The following TNIK variants were observed in gnomAD, a reference collection of about 807,000 sequenced individuals.
TNIK encodes the protein TRAF2 and NCK-interacting protein kinase.
Under a neutral mutation model 191.3 loss-of-function variants are expected in TNIK, and 49 were observed. That is an observed-to-expected ratio of 0.26 (90% CI 0.20 to 0.32). TNIK has a LOEUF of 0.32. TNIK is among the 10% of genes least tolerant of loss of function. The pLI is 1.00. For missense variants in TNIK, 1,155 were observed against 1,702.3 expected (o/e 0.68, Z 5.66); for synonymous variants, 594 against 600.9 (o/e 0.99, Z 0.17).
chr3:171,355,436 C>T (rs1713894959), intron 2 of TNIK, among the ~76,000 whole-genome samples: 1 of 140,444 alleles, frequency 7.1e-6, no homozygotes, highest in Admixed American at 7.6e-5. Flanking sequence ...ATTTAGGCCA[C>T]AAAACATTCA....
chr3:171,387,463 G>T (rs190217426), intron 1 of TNIK, among the ~76,000 whole-genome samples: 8 of 152,272 alleles, frequency 5.3e-5, no homozygotes, highest in Admixed American at 5.2e-4. Flanking sequence ...CCTGACATCG[G>T]CTCTTACATC....
At chr3:171,400,284 G>C (rs1488053558) in intron 1 of TNIK, among the ~76,000 whole-genome samples, 1 of 152,060 alleles carries the variant, frequency 6.6e-6, no homozygotes, top group African/African-American at 2.4e-5. Flanking sequence ...CTAGATTCAG[G>C]CCAGGCACGG....
intron 4 of TNIK, among the ~76,000 whole-genome samples, chr3:171,205,755 T>A (rs1035728562): frequency 2.0e-5 from 3 of 152,122 alleles, no homozygotes; most frequent in African/African-American, 7.2e-5. Context: ...TCCCACCTAA[T>A]GCAGAGTAAA....
At chr3:171,389,414 G>T (rs1298402868) in intron 1 of TNIK, among the ~76,000 whole-genome samples, 1 of 152,126 alleles carries the variant, frequency 6.6e-6, no homozygotes, top group Non-Finnish European at 1.5e-5. Flanking sequence ...CCGAGTGCCT[G>T]CTCTGTGCCA....
chr3:171,291,255 A>G (rs963860824), intron 2 of TNIK, among the ~76,000 whole-genome samples: 5 of 152,128 alleles, frequency 3.3e-5, no homozygotes, highest in Non-Finnish European at 7.4e-5. Context: ...TTTTGCTATT[A>G]ATCATATGCA....
At chr3:171,381,164 G>C (rs1314151246) in intron 1 of TNIK, among the ~76,000 whole-genome samples, 1 of 152,026 alleles carries the variant, frequency 6.6e-6, no homozygotes, top group Non-Finnish European at 1.5e-5. Context: ...TTTTGGAACG[G>C]GGGATTTATA....
intron 9 of TNIK, among the ~76,000 whole-genome samples, chr3:171,170,223 G>C (rs1258738831): frequency 6.6e-6 from 1 of 152,202 alleles, no homozygotes; most frequent in African/African-American, 2.4e-5. Flanking sequence ...AAATGGTAAT[G>C]ATTGGTACCT....
chr3:171,281,047 C>T (rs1188618953), intron 2 of TNIK, among the ~76,000 whole-genome samples: 1 of 152,112 alleles, frequency 6.6e-6, no homozygotes, highest in Non-Finnish European at 1.5e-5. Context: ...ATAATCATGT[C>T]TTTATGGAAT....
At position 171,264,441 on chromosome 3, in the gene TNIK, G is replaced by A. The variant is rs529047653; in HGVS notation, c.124-36220C>T. On this transcript the variant is annotated intron_variant, in intron 2 of 32. Coordinates refer to ENST00000436636, the MANE Select transcript of TNIK (RefSeq NM_015028.4). ...GCTATCTCGGCTCACCTCAACCTTC[G>A]CCTCCTGGGGATCAAGTGATTCTCC... Among the ~76,000 whole-genome samples, 63 of 151,932 alleles carry A rather than the reference G, an allele frequency of 4.1e-4. No individual in the cohort carries two copies. The South Asian group carries it at 0.013, about 30-fold the overall frequency.
intron 2 of TNIK, among the ~76,000 whole-genome samples, chr3:171,301,679 T>C (rs1290047909): frequency 6.6e-6 from 1 of 152,182 alleles, no homozygotes; most frequent in African/African-American, 2.4e-5. Context: ...GGAACTCTTC[T>C]ATACTGAAGA....
At chr3:171,339,602 T>C (rs1313741471) in intron 2 of TNIK, among the ~76,000 whole-genome samples, 1 of 152,206 alleles carries the variant, frequency 6.6e-6, no homozygotes, top group Non-Finnish European at 1.5e-5. Context: ...GCTTGTGGGT[T>C]GAACAGACCG....
At chr3:171,350,078 A>C (rs114293561) in intron 2 of TNIK, among the ~76,000 whole-genome samples, 43,366 of 151,970 alleles carry the variant, frequency 0.29, 6,384 homozygotes, top group South Asian at 0.45. Context: ...ACATTATAGC[A>C]AATGTTTTTG....
intron 2 of TNIK, among the ~76,000 whole-genome samples, chr3:171,322,179 A>G (rs1242514884): frequency 6.6e-6 from 1 of 152,198 alleles, no homozygotes; most frequent in Non-Finnish European, 1.5e-5. Flanking sequence ...CAAAAGCTGT[A>G]TTTCACTAAG....
chr3:171,319,277 T>C (rs1007160253), intron 2 of TNIK, among the ~76,000 whole-genome samples: 1 of 152,188 alleles, frequency 6.6e-6, no homozygotes, highest in African/African-American at 2.4e-5. Flanking sequence ...TTAGATTTTT[T>C]CCAGAATGGG....
At chr3:171,298,375 A>G (rs999231540) in intron 2 of TNIK, among the ~76,000 whole-genome samples, 1 of 152,218 alleles carries the variant, frequency 6.6e-6, no homozygotes, top group Admixed American at 6.5e-5. Context: ...AGCCAGACTG[A>G]TAGTTTGACT....
chr3:171,457,946 C>G (rs548841802), intron 1 of TNIK, among the ~76,000 whole-genome samples: 1 of 152,218 alleles, frequency 6.6e-6, no homozygotes, highest in African/African-American at 2.4e-5. Flanking sequence ...GGGCCCTCAC[C>G]GGTTGCTCCC....
chr3:171,342,535 G>T (rs577004800), intron 2 of TNIK, among the ~76,000 whole-genome samples: 4 of 152,266 alleles, frequency 2.6e-5, no homozygotes, highest in South Asian at 2.1e-4. Context: ...AGAGGGAGGT[G>T]TCTCTGTGGC....
intron 2 of TNIK, among the ~76,000 whole-genome samples, chr3:171,306,648 A>G (rs980822074): frequency 6.6e-6 from 1 of 152,166 alleles, no homozygotes; most frequent in African/African-American, 2.4e-5. Flanking sequence ...TTTGAACAAC[A>G]ACAACAAAAT....
At chr3:171,134,728 C>T (rs1200915830) in intron 15 of TNIK, among the ~76,000 whole-genome samples, 1 of 152,164 alleles carries the variant, frequency 6.6e-6, no homozygotes, top group Non-Finnish European at 1.5e-5. Flanking sequence ...TTCACTTGCT[C>T]TACAATATCC....
Sources: allele counts gnomAD v4.1 joint callset (sites outside exome capture counted in the v4.1 genomes callset), GRCh38; gene constraint gnomAD v4.1.1; transcripts MANE v1.5; gene names NCBI Gene and HGNC (gene_info 2026-07-23, HGNC 2026-07-21).